Variants in NKAIN2 observed in about 807,000 individuals in gnomAD.
NKAIN2 encodes sodium/potassium-transporting ATPase subunit beta-1-interacting protein 2.
In NKAIN2, 14 loss-of-function variants were observed where a neutral mutation model predicts 32.6. That is an observed-to-expected ratio of 0.43 (90% CI 0.28 to 0.67). The LOEUF (loss-of-function observed/expected upper bound fraction) is 0.67, where lower values mean the gene tolerates loss of function less well. Among genes scored for constraint, NKAIN2 ranks in the 30% least tolerant of loss-of-function variants. NKAIN2 has a pLI of 0.17. For missense variants in NKAIN2, 198 were observed against 258.3 expected (o/e 0.77, Z 1.60); for synonymous variants, 80 against 87.2 (o/e 0.92, Z 0.46).
intron 1 of NKAIN2, among the ~76,000 whole-genome samples, chr6:123,988,871 A>T (rs1038335613): frequency 1.6e-5 from 2 of 123,432 alleles, no homozygotes; most frequent in Non-Finnish European, 3.5e-5. Flanking sequence ...TTTGAACCTT[A>T]AGAGTGTGTG....
intron 3 of NKAIN2, among the ~76,000 whole-genome samples, chr6:124,622,725 C>A (rs112894260): frequency 1.3e-5 from 2 of 152,078 alleles, no homozygotes; most frequent in African/African-American, 4.8e-5. Flanking sequence ...AGGTGGTCTT[C>A]CCCCGGAGTT....
chr6:123,847,459 G>A (rs1775140612), intron 1 of NKAIN2, among the ~76,000 whole-genome samples: 1 of 152,030 alleles, frequency 6.6e-6, no homozygotes, highest in African/African-American at 2.4e-5. Flanking sequence ...CTTTCTGCTT[G>A]GAATTAGAAG....
chr6:124,013,433 A>G (rs917990828), intron 1 of NKAIN2, among the ~76,000 whole-genome samples: 1 of 152,200 alleles, frequency 6.6e-6, no homozygotes, highest in Non-Finnish European at 1.5e-5. Context: ...CAATTTTAAA[A>G]TTTACATAGA....
At chr6:123,944,556 C>T (rs975102086) in intron 1 of NKAIN2, among the ~76,000 whole-genome samples, 5 of 151,992 alleles carry the variant, frequency 3.3e-5, no homozygotes, top group African/African-American at 1.2e-4. Context: ...TAAATATCAT[C>T]CAGATAATTG....
chr6:124,326,058 A>T (rs1797396300), intron 2 of NKAIN2, among the ~76,000 whole-genome samples: 3 of 151,182 alleles, frequency 2.0e-5, no homozygotes, highest in Admixed American at 2.0e-4. Flanking sequence ...ATATTTTTTC[A>T]AATTTTTTTA....
At chr6:124,257,121 C>G (rs1793987379) in intron 1 of NKAIN2, among the ~76,000 whole-genome samples, 1 of 151,356 alleles carries the variant, frequency 6.6e-6, no homozygotes, top group Non-Finnish European at 1.5e-5. Flanking sequence ...ACTGGTCATA[C>G]AAAAAAACCA....
intron 4 of NKAIN2, among the ~76,000 whole-genome samples, chr6:124,784,391 ACC>A (rs997102058): frequency 1.3e-5 from 2 of 151,042 alleles, no homozygotes; most frequent in African/African-American, 4.9e-5. Context: ...CTTCTAACCC[ACC>A]CCCCTTAGTC....
At chr6:124,456,592 T>A (rs1334107766) in intron 3 of NKAIN2, among the ~76,000 whole-genome samples, 7 of 151,954 alleles carry the variant, frequency 4.6e-5, no homozygotes, top group African/African-American at 1.7e-4. Flanking sequence ...TTGCATATGG[T>A]TACTGGCCAT....
chr6:124,342,814 T>TTTATTATTATTATTATTATTA (rs56290836), intron 2 of NKAIN2, among the ~76,000 whole-genome samples: 1 of 145,462 alleles, frequency 6.9e-6, no homozygotes, highest in African/African-American at 2.6e-5. Context: ...CAGAAGATGT[T>TTTATTATTATTATTATTATTA]TTATTATTAT....
chr6:124,528,923 A>G (rs1204265975), intron 3 of NKAIN2, among the ~76,000 whole-genome samples: 1 of 152,204 alleles, frequency 6.6e-6, no homozygotes, highest in Non-Finnish European at 1.5e-5. Flanking sequence ...CCTGAAATCA[A>G]GGTTTCAGTT....
intron 3 of NKAIN2, among the ~76,000 whole-genome samples, chr6:124,375,287 T>G (rs1799935890): frequency 6.6e-6 from 1 of 151,574 alleles, no homozygotes; most frequent in Non-Finnish European, 1.5e-5. Context: ...CTTTTTACAC[T>G]TGTTTACTTG....
chr6:124,699,917 G>A (rs1046783288), intron 4 of NKAIN2, among the ~76,000 whole-genome samples: 12 of 152,304 alleles, frequency 7.9e-5, no homozygotes, highest in African/African-American at 2.2e-4. Flanking sequence ...ATCACATTGA[G>A]AAGAGCATAT....
intron 1 of NKAIN2, among the ~76,000 whole-genome samples, chr6:123,974,769 A>G (rs1778481590): frequency 1.3e-5 from 2 of 152,230 alleles, no homozygotes; most frequent in African/African-American, 2.4e-5. Flanking sequence ...ATTATGGCAG[A>G]CATTATCTTC....
chr6:124,788,276 C>T (rs1388123360), intron 4 of NKAIN2, among the ~76,000 whole-genome samples: 2 of 152,044 alleles, frequency 1.3e-5, no homozygotes, highest in African/African-American at 4.8e-5. Flanking sequence ...ATTGTTTAAA[C>T]ATTGACAACA....
chr6:124,630,056 G>A (rs1330700596), intron 3 of NKAIN2, among the ~76,000 whole-genome samples: 1 of 152,150 alleles, frequency 6.6e-6, no homozygotes. Flanking sequence ...GTATTACATA[G>A]GTACTGCAAT....
At chr6:124,137,333 C>T (rs1786863891) in intron 1 of NKAIN2, among the ~76,000 whole-genome samples, 4 of 151,862 alleles carry the variant, frequency 2.6e-5, no homozygotes, top group Admixed American at 1.3e-4. Flanking sequence ...AGGAAAACTA[C>T]AAAACACTAC....
At chr6:123,992,490 A>T (rs1779451998) in intron 1 of NKAIN2, among the ~76,000 whole-genome samples, 1 of 152,360 alleles carries the variant, frequency 6.6e-6, no homozygotes, top group African/African-American at 2.4e-5. Flanking sequence ...TGAAAGTATT[A>T]AAGTGTAAAA....
chr6:124,794,872 C>A, intron 5 of NKAIN2: 1 of 965,878 alleles, frequency 1.0e-6, no homozygotes, highest in Non-Finnish European at 1.2e-6. Flanking sequence ...ACTTCCGATC[C>A]ATAGAGTAAA....
chr6:124,100,376 A>G (rs1784827071), intron 1 of NKAIN2, among the ~76,000 whole-genome samples: 1 of 152,216 alleles, frequency 6.6e-6, no homozygotes, highest in Admixed American at 6.5e-5. Flanking sequence ...GTATACACAG[A>G]TATGATTTTT....
Sources: allele counts gnomAD v4.1 joint callset (sites outside exome capture counted in the v4.1 genomes callset), GRCh38; gene constraint gnomAD v4.1.1; transcripts MANE v1.5; gene names NCBI Gene and HGNC (gene_info 2026-07-23, HGNC 2026-07-21).